Variants in UGT1A8 observed in about 807,000 individuals in gnomAD.
UGT1A8 encodes UDP-glucuronosyltransferase 1A8.
In UGT1A8, 39 loss-of-function variants were observed where a neutral mutation model predicts 45.3. That is an observed-to-expected ratio of 0.86 (90% CI 0.67 to 1.12). The LOEUF (loss-of-function observed/expected upper bound fraction) is 1.12. Among genes scored for constraint, UGT1A8 ranks in the 50% most tolerant of loss-of-function variants. The probability of loss-of-function intolerance (pLI) is 0.00; values close to 1 mark genes in which losing one functional copy is unlikely to be tolerated. For missense variants in UGT1A8, 719 were observed against 664.9 expected (o/e 1.08, Z -0.90); for synonymous variants, 275 against 249.2 (o/e 1.10, Z -0.97).
rs1299975941 is a variant in UGT1A8 at position 233,648,346 on chromosome 2, A to T, written c.855+29784A>T. On this transcript the variant is annotated intron_variant, in intron 1 of 4. Transcript: ENST00000373450. ...CCTCTCGGTGGTCTTCGCCAGAGGAATACTTTGACATTACCTTGAAGAAGG... is the reference window on the plus strand; with the variant it reads ...CCTCTCGGTGGTCTTCGCCAGAGGATTACTTTGACATTACCTTGAAGAAGG... 13 of 444,310 alleles carry T rather than the reference A, an allele frequency of 2.9e-5. 1 individual carries two copies. The highest frequency in any genetic ancestry group is 5.6e-5 in the Non-Finnish European group (13 of 233,230). 27.5% of individuals were successfully genotyped at this position (444,310 alleles called of 1,614,324 possible).
chr2:233,730,800 A>G (rs1400494303), intron 1 of UGT1A8, among the ~76,000 whole-genome samples: 1 of 152,180 alleles, frequency 6.6e-6, no homozygotes, highest in Non-Finnish European at 1.5e-5. Context: ...TGATGAATGG[A>G]CATGCGTCCA....
chr2:233,629,766 G>C (rs2073153511), intron 1 of UGT1A8, among the ~76,000 whole-genome samples: 1 of 152,124 alleles, frequency 6.6e-6, no homozygotes, highest in Non-Finnish European at 1.5e-5. Context: ...TTTTGTGTGG[G>C]AAGGTTTGAA....
rs574257373 is a variant in UGT1A8 at position 233,696,291 on chromosome 2, A to G, written c.856-70743A>G. Among the ~76,000 whole-genome samples, 4 of 152,342 alleles carry G rather than the reference A, an allele frequency of 2.6e-5. No homozygotes were observed. In the East Asian group the frequency reaches 7.7e-4, roughly 29 times the overall value. On this transcript the variant is annotated intron_variant, in intron 1 of 4. Transcript: ENST00000373450. ...TGGATAAAGAAAACGTAGGACTGTA[A>G]TATCGTGAAATATATATTTGGTCTT... is the stretch of plus-strand genomic sequence containing the variant.
At chr2:233,630,812 T>A (rs1258071636) in intron 1 of UGT1A8, among the ~76,000 whole-genome samples, 1 of 145,366 alleles carries the variant, frequency 6.9e-6, no homozygotes, top group South Asian at 2.2e-4. Context: ...TAGCACATAC[T>A]TTTTTTTTTT....
At chr2:233,752,428 G>C (rs538581016) in intron 1 of UGT1A8, 1 of 152,028 alleles carries the variant, frequency 6.6e-6, no homozygotes, top group African/African-American at 2.4e-5. Context: ...CTGATTTATC[G>C]AACCCTTTTA....
intron 1 of UGT1A8, chr2:233,671,730 A>T (rs2074197987): frequency 4.3e-6 from 5 of 1,173,208 alleles, no homozygotes; most frequent in Non-Finnish European, 5.6e-6. Flanking sequence ...TGTTGTCTGG[A>T]AAACATACAA....
intron 1 of UGT1A8, among the ~76,000 whole-genome samples, chr2:233,659,654 C>T (rs1006613454): frequency 2.6e-5 from 4 of 151,986 alleles, no homozygotes; most frequent in East Asian, 1.9e-4. Flanking sequence ...GAGAGGCAGG[C>T]GCACTCGATT....
chr2:233,743,530 C>G (rs781463146), intron 1 of UGT1A8: 8 of 1,367,244 alleles, frequency 5.9e-6, no homozygotes, highest in East Asian at 4.6e-5. Context: ...GCTTCCCCAG[C>G]AGTTCCTCTG....
At chr2:233,679,465 A>T (rs2074453333) in intron 1 of UGT1A8, among the ~76,000 whole-genome samples, 1 of 152,196 alleles carries the variant, frequency 6.6e-6, no homozygotes, top group African/African-American at 2.4e-5. Context: ...TACACAAAAC[A>T]GTAGAGTTAG....
chr2:233,718,714 A>G (rs1440989582), intron 1 of UGT1A8: 4 of 1,607,872 alleles, frequency 2.5e-6, no homozygotes, highest in Non-Finnish European at 3.4e-6. Flanking sequence ...TTCCAATTAC[A>G]TGCTGATTTG....
At chr2:233,719,414 A>G (rs1348956274) in intron 1 of UGT1A8, 9 of 1,613,880 alleles carry the variant, frequency 5.6e-6, no homozygotes, top group Non-Finnish European at 7.6e-6. Context: ...CTAAGTTACT[A>G]ACGACCAATT....
At chr2:233,682,412 A>C in intron 1 of UGT1A8, 1 of 1,613,870 alleles carries the variant, frequency 6.2e-7, no homozygotes. Context: ...AATTGTTGCC[A>C]AATATTTCTC....
chr2:233,768,219 G>T lies in UGT1A8; in HGVS notation c.1076-1G>T. 1 of 1,614,092 alleles carries T rather than the reference G, an allele frequency of 6.2e-7. No individual in the cohort carries two copies. The highest frequency in any genetic ancestry group is 8.5e-7 in the Non-Finnish European group (1 of 1,180,022). On this transcript the variant is annotated splice_acceptor_variant, in intron 3 of 4. Transcript: ENST00000373450. LOFTEE classifies it high-confidence loss of function. Reference sequence around the variant, plus strand: ...GACATCCTCCCTATTTTGCATCTCAGGTCACCCGATGACCCGTGCCTTTAT... The same window carrying T: ...GACATCCTCCCTATTTTGCATCTCATGTCACCCGATGACCCGTGCCTTTAT...
rs370521900 is a variant in UGT1A8 at position 233,642,997 on chromosome 2, A to T, written c.855+24435A>T. On this transcript the variant is annotated intron_variant, in intron 1 of 4. Coordinates refer to ENST00000373450, the MANE Select transcript of UGT1A8 (RefSeq NM_019076.5). ...CACCACTATGACTGTGCTGGATCAGACCTGAAACCAGCACAGCTCTGGGTC... is the reference window on the plus strand; with the variant it reads ...CACCACTATGACTGTGCTGGATCAGTCCTGAAACCAGCACAGCTCTGGGTC... Among the ~76,000 whole-genome samples, 11 of 152,238 alleles carry T rather than the reference A, an allele frequency of 7.2e-5. 1 individual carries two copies. Among genetic ancestry groups the T allele is most frequent in the South Asian group, 2.1e-4 (1 of 4,824 alleles).
intron 1 of UGT1A8, among the ~76,000 whole-genome samples, chr2:233,710,674 T>C (rs938811866): frequency 6.6e-6 from 1 of 152,206 alleles, no homozygotes; most frequent in Non-Finnish European, 1.5e-5. Context: ...CAGATAGTTG[T>C]GTTTCTGTTT....
At chr2:233,689,291 C>T (rs1219127255) in intron 1 of UGT1A8, among the ~76,000 whole-genome samples, 1 of 151,482 alleles carries the variant, frequency 6.6e-6, no homozygotes, top group Non-Finnish European at 1.5e-5. Flanking sequence ...CTGGGGTTCA[C>T]TCACCCAGCA....
intron 1 of UGT1A8, chr2:233,637,242 G>A (rs764425310): frequency 3.5e-5 from 56 of 1,613,704 alleles, no homozygotes; most frequent in Middle Eastern, 1.6e-4. Flanking sequence ...CCCCTGTCAC[G>A]GCATATGATC....
At chr2:233,709,237 G>A (rs1333156053) in intron 1 of UGT1A8, among the ~76,000 whole-genome samples, 2 of 152,106 alleles carry the variant, frequency 1.3e-5, no homozygotes, top group African/African-American at 2.4e-5. Context: ...AGGGGTGGCC[G>A]CTGGGATGAG....
rs950932071 is a variant in UGT1A8 at position 233,766,252 on chromosome 2, CGCTCAGTGGCCCGG to C, written c.856-777_856-764del. ...GGAAGGGTTTCCCCTGGAGTCAGAC[CGCTCAGTGGCCCGG>C]GCTCGGTGGCCCGGGCTCGGTGGCC... On this transcript the variant is annotated intron_variant, in intron 1 of 4. Coordinates refer to ENST00000373450, the MANE Select transcript of UGT1A8 (RefSeq NM_019076.5). 1.1e-4 allele frequency among the ~76,000 whole-genome samples: 17 copies of C among 151,626 alleles called. 1 individual carries two copies. The highest frequency in any genetic ancestry group is 3.4e-4 in the African/African-American group (14 of 41,194).
Sources: allele counts gnomAD v4.1 joint callset (sites outside exome capture counted in the v4.1 genomes callset), GRCh38; gene constraint gnomAD v4.1.1; transcripts MANE v1.5; gene names NCBI Gene and HGNC (gene_info 2026-07-23, HGNC 2026-07-21).